SPIRE2: variants seen among roughly 807,000 people sequenced by gnomAD.
The protein encoded by SPIRE2 is spire type actin nucleation factor 2.
SPIRE2 carries 76 observed loss-of-function variants against 80.7 expected under a neutral mutation model. The observed-to-expected ratio is 0.94, with a 90% confidence interval of 0.78 to 1.14. The LOEUF (loss-of-function observed/expected upper bound fraction) is 1.14, where lower values mean the gene tolerates loss of function less well. Among genes scored for constraint, SPIRE2 ranks in the 50% most tolerant of loss-of-function variants. The probability of loss-of-function intolerance (pLI) is 0.00; values close to 1 mark genes in which losing one functional copy is unlikely to be tolerated. For synonymous variants in SPIRE2, 535 were observed against 432.6 expected (o/e 1.24, Z -2.94); for missense variants, 1,196 against 1,015.3 (o/e 1.18, Z -2.42).
intron 12 of SPIRE2, among the ~76,000 whole-genome samples, chr16:89,866,709 C>T (rs993847214): frequency 4.0e-5 from 6 of 149,964 alleles, no homozygotes; most frequent in African/African-American, 9.8e-5. Flanking sequence ...CCCGGGTTCA[C>T]GCCATTCTCC....
At chr16:89,845,925 C>T (rs1250404347) in intron 2 of SPIRE2, 8 of 395,480 alleles carry the variant, frequency 2.0e-5, no homozygotes, top group South Asian at 3.5e-5. Flanking sequence ...GAGATGGAGT[C>T]GCGCTCTGTC....
intron 13 of SPIRE2, among the ~76,000 whole-genome samples, chr16:89,868,670 T>A (rs1230129430): frequency 6.6e-6 from 1 of 151,878 alleles, no homozygotes; most frequent in Non-Finnish European, 1.5e-5. Context: ...CTGGCCAACA[T>A]GGTGAAACCC....
chr16:89,869,816 C>T (rs1005858768), intron 14 of SPIRE2, 134 bp downstream of exon 14: 15 of 761,912 alleles, frequency 2.0e-5, no homozygotes, highest in East Asian at 8.0e-5. Flanking sequence ...AAGGCAGAGA[C>T]GGATCGTTGT....
At chr16:89,843,194 C>A (rs1386432315) in intron 1 of SPIRE2, among the ~76,000 whole-genome samples, 3 of 152,160 alleles carry the variant, frequency 2.0e-5, no homozygotes, top group African/African-American at 4.8e-5. Flanking sequence ...GGAGCACAGA[C>A]CCTGGGCCCC....
chr16:89,854,764 G>A (rs1051397617), intron 5 of SPIRE2, 113 bp downstream of exon 5: 11 of 1,217,078 alleles, frequency 9.0e-6, no homozygotes, highest in Admixed American at 4.3e-5. Context: ...GCGGCCCAGG[G>A]TCCCTGCTCT....
rs375510821 is a variant in SPIRE2, at chr16:89,870,103, A to G, written c.1976A>G (p.Tyr659Cys). ...QSVEEAFPHI[Y>C]SHGCVLKDVC... is the part of the protein sequence containing the mutation. ...GTGGAGGAGGCGTTCCCCCACATCTACTCCCACGGCTGTGTCCTGAAGGAT... is the reference window on the plus strand; with the variant it reads ...GTGGAGGAGGCGTTCCCCCACATCTGCTCCCACGGCTGTGTCCTGAAGGAT... Residue 659 changes from tyrosine to cysteine, a missense_variant, in exon 15 of 15, where the codon TAC (tyrosine) becomes TGC (cysteine). Transcript: ENST00000378247. 5 of 1,613,014 alleles carry G rather than the reference A, an allele frequency of 3.1e-6. No homozygotes were observed. Among genetic ancestry groups the G allele is most frequent in the Non-Finnish European group, 4.2e-6 (5 of 1,179,834 alleles).
intron 3 of SPIRE2, among the ~76,000 whole-genome samples, chr16:89,851,771 T>C (rs2041630137): frequency 6.6e-6 from 1 of 152,038 alleles, no homozygotes; most frequent in Non-Finnish European, 1.5e-5. Context: ...CGCCAGGCCT[T>C]GGAGAGGCAG....
In SPIRE2 at chr16:89,870,062, G is replaced by A. The variant is rs546636606; in HGVS notation, c.1935G>A (p.Gly645=). Residue 645 remains glycine (G), a synonymous_variant, in exon 15 of 15, where the codon GGG becomes GGA. Transcript: ENST00000378247. Reference sequence around the variant, plus strand: ...TCCCACTTCCCAGGTCTCTGCAAGGGCCACAGTGGCAGAGCGTGGAGGAGG... The same window carrying A: ...TCCCACTTCCCAGGTCTCTGCAAGGACCACAGTGGCAGAGCGTGGAGGAGG... ...QRRDIFQSLQ[G]PQWQSVEEAF... is the part of the protein sequence containing the mutation. 1.7e-5 allele frequency: 27 copies of A among 1,612,596 alleles called. No individual in the cohort carries two copies. In the South Asian group the frequency reaches 2.8e-4, roughly 16 times the overall value.
chr16:89,831,500 C>G (rs1004730160), intron 1 of SPIRE2, among the ~76,000 whole-genome samples: 1 of 149,816 alleles, frequency 6.7e-6, no homozygotes, highest in African/African-American at 2.4e-5. Context: ...TGGGTTCACG[C>G]CATTCTCCTG....
intron 1 of SPIRE2, chr16:89,836,432 A>G: frequency 6.0e-6 from 2 of 333,594 alleles, no homozygotes; most frequent in Admixed American, 7.6e-5. Context: ...CACTGTCTCC[A>G]GGTATTTCCT....
rs762678181 is a variant in SPIRE2, at chr16:89,860,640, G to C, written c.1463-43G>C. 3.7e-6 allele frequency: 5 copies of C among 1,354,230 alleles called. No homozygotes were observed. The South Asian group carries it at 3.7e-5, about 10-fold the overall frequency. 83.9% of individuals were successfully genotyped at this position (1,354,230 alleles called of 1,614,324 possible). A position where few individuals can be genotyped will look rare whatever the true frequency, so the allele number is the denominator to read the frequency against. On this transcript the variant is annotated intron_variant, in intron 9 of 14. Transcript: ENST00000378247. Reference sequence around the variant, plus strand: ...CCTGGGCACAGTCCTCTTTACCACAGCTCCTGCCAGGCAGTCCTGATGGAG... The same window carrying C: ...CCTGGGCACAGTCCTCTTTACCACACCTCCTGCCAGGCAGTCCTGATGGAG...
intron 6 of SPIRE2, 117 bp from the exon 7 acceptor site, chr16:89,855,994 CCA>C: frequency 6.7e-7 from 1 of 1,489,248 alleles, no homozygotes. Flanking sequence ...TCTTCCGACT[CCA>C]GAGTGGGCCC....
chr16:89,836,215 T>C, intron 1 of SPIRE2: 1 of 455,960 alleles, frequency 2.2e-6, no homozygotes. Context: ...TCTCTTACAG[T>C]TGAAGAGGTC....
At chr16:89,833,360 G>A (rs1363836168) in intron 1 of SPIRE2, among the ~76,000 whole-genome samples, 1 of 151,840 alleles carries the variant, frequency 6.6e-6, no homozygotes, top group Admixed American at 6.6e-5. Context: ...CCTGACCTCA[G>A]GTGATCCGCC....
In SPIRE2 at chr16:89,850,345, C is replaced by T. The variant is rs766322562; in HGVS notation, c.330C>T (p.Asp110=). The change falls in exon 3 of 15, where the codon GAC becomes GAT. Residue 110 remains aspartate, a synonymous_variant. Transcript: ENST00000378247. ...GCTTCGCCATCTACCGCGCGCTGGA[C>T]TGGGGGCTGGACGAGAGCGAGGAGC... ...SLGFAIYRAL[D]WGLDESEERE... 6 of 1,600,798 alleles carry T rather than the reference C, an allele frequency of 3.7e-6. No homozygotes were observed. The highest frequency in any genetic ancestry group is 2.3e-5 in the East Asian group (1 of 44,326).
At position 89,850,284 on chromosome 16, in the gene SPIRE2, ACCGCGCCCCTGTC is replaced by A; in HGVS notation, c.289-15_289-3del. 3.1e-6 allele frequency: 5 copies of A among 1,596,644 alleles called. No individual in the cohort carries two copies. The highest frequency in any genetic ancestry group is 4.3e-6 in the Non-Finnish European group (5 of 1,175,356). On this transcript the variant is annotated splice_region_variant and splice_polypyrimidine_tract_variant and intron_variant, in intron 2 of 14. Coordinates refer to ENST00000378247, the MANE Select transcript of SPIRE2 (RefSeq NM_032451.2). ...CACCCCCCTGCAGTACCGCCCAGTG[ACCGCGCCCCTGTC>A]CCGCAGACCGTGCAGTCCCTCGGCT...
chr16:89,839,408 G>A (rs918547429), intron 1 of SPIRE2, among the ~76,000 whole-genome samples: 1 of 151,958 alleles, frequency 6.6e-6, no homozygotes, highest in Non-Finnish European at 1.5e-5. Context: ...GATGTCATGG[G>A]TGTGTGGCCG....
In SPIRE2 at chr16:89,863,791, C is replaced by T. The variant is rs1367214089; in HGVS notation, c.1711-3C>T. 1.2e-6 allele frequency: 2 copies of T among 1,613,904 alleles called. No individual in the cohort carries two copies. Among genetic ancestry groups the T allele is most frequent in the Admixed American group, 1.7e-5 (1 of 60,004 alleles). Reference sequence around the variant, plus strand: ...CGGGGCTCTAACCAGTCTCTCCTGACAGATTTGCTGCTGCTGCCGGGCCAA... The same window carrying T: ...CGGGGCTCTAACCAGTCTCTCCTGATAGATTTGCTGCTGCTGCCGGGCCAA... On this transcript the variant is annotated splice_polypyrimidine_tract_variant and splice_region_variant and intron_variant, in intron 11 of 14. Coordinates refer to ENST00000378247, the MANE Select transcript of SPIRE2 (RefSeq NM_032451.2). The surrounding 1 kb of genome is among the most constrained non-coding windows in gnomAD (Gnocchi z 4.3).
intron 12 of SPIRE2, among the ~76,000 whole-genome samples, chr16:89,865,551 CAAAT>C (rs1401012403): frequency 1.3e-5 from 2 of 152,108 alleles, no homozygotes; most frequent in Non-Finnish European, 2.9e-5. Flanking sequence ...GGAGAACAAA[CAAAT>C]GAGTCAAAAA....
Sources: allele counts gnomAD v4.1 joint callset (sites outside exome capture counted in the v4.1 genomes callset), GRCh38; gene constraint gnomAD v4.1.1; non-coding constraint Gnocchi (gnomAD v3.1); transcripts MANE v1.5; gene names NCBI Gene and HGNC (gene_info 2026-07-23, HGNC 2026-07-21).